MYO18B: variants seen among roughly 807,000 people sequenced by gnomAD.
MYO18B encodes the protein unconventional myosin-XVIIIb.
MYO18B carries 204 observed loss-of-function variants against 273.0 expected under a neutral mutation model. The observed-to-expected ratio is 0.75, with a 90% confidence interval of 0.67 to 0.84. MYO18B has a LOEUF of 0.84. Among genes scored for constraint, MYO18B ranks in the 40% least tolerant of loss-of-function variants. The pLI is 0.00. For synonymous variants in MYO18B, 1,330 were observed against 1,305.7 expected, an observed-to-expected ratio of 1.02 and a Z score of -0.40; for missense variants, 3,212 against 3,287.6, an observed-to-expected ratio of 0.98 and a Z score of 0.56.
chr22:25,990,937 C>T (rs915715404), intron 39 of MYO18B, among the ~76,000 whole-genome samples: 2 of 152,078 alleles, frequency 1.3e-5, no homozygotes, highest in South Asian at 2.1e-4. Context: ...AGAAAAATCC[C>T]ATCTATAACC....
intron 11 of MYO18B, among the ~76,000 whole-genome samples, chr22:25,785,814 C>G (rs1484877513): frequency 6.6e-6 from 1 of 152,154 alleles, no homozygotes; most frequent in Non-Finnish European, 1.5e-5. Flanking sequence ...AGGTCTGTCT[C>G]TTCTTCAGTA....
intron 22 of MYO18B, 95 bp downstream of exon 22, chr22:25,868,480 G>C: frequency 9.5e-7 from 1 of 1,050,490 alleles, no homozygotes; most frequent in Non-Finnish European, 1.4e-6. Flanking sequence ...TATTATCTCT[G>C]TACGTCTCCT....
At chr22:25,761,555 G>A (rs977539542) in intron 2 of MYO18B, among the ~76,000 whole-genome samples, 1 of 152,140 alleles carries the variant, frequency 6.6e-6, no homozygotes, top group African/African-American at 2.4e-5. Flanking sequence ...CTGCCTTCGG[G>A]CACCATAGAG....
In MYO18B at chr22:25,844,780, C is replaced by T. The variant is rs559201591; in HGVS notation, c.3368+886C>T. On this transcript the variant is annotated intron_variant, in intron 18 of 43. Transcript: ENST00000335473. The stretch of plus-strand genomic sequence containing the variant: ...AGTGGGGCTCGTGAACATCCAGCTC[C>T]TGGAGAGAGATTCAGGCCAGGGCTG... Among the ~76,000 whole-genome samples the T allele has an allele frequency of 2.0e-5, 3 of 152,300 alleles. No individual in the cohort carries two copies. The South Asian group carries it at 6.2e-4, about 32-fold the overall frequency.
chr22:25,748,252 C>T (rs2085839959), intron 1 of MYO18B, among the ~76,000 whole-genome samples: 1 of 152,136 alleles, frequency 6.6e-6, no homozygotes, highest in Non-Finnish European at 1.5e-5. Flanking sequence ...GGGGAGGTAG[C>T]TCTCTGAGAA....
chr22:25,847,993 A>T (rs572505386), intron 20 of MYO18B, among the ~76,000 whole-genome samples: 3 of 151,784 alleles, frequency 2.0e-5, no homozygotes, highest in African/African-American at 7.3e-5. Flanking sequence ...ATACATGTAC[A>T]GCACGTGCAG....
intron 34 of MYO18B, among the ~76,000 whole-genome samples, chr22:25,942,215 A>ATTT: frequency 6.6e-6 from 1 of 152,206 alleles, no homozygotes; most frequent in Non-Finnish European, 1.5e-5. Context: ...CAAGCTCTGA[A>ATTT]CCACACACAC....
intron 40 of MYO18B, among the ~76,000 whole-genome samples, chr22:25,993,784 C>T (rs1192783210): frequency 6.6e-6 from 1 of 152,090 alleles, no homozygotes; most frequent in Non-Finnish European, 1.5e-5. Flanking sequence ...CTGGTTTAGC[C>T]AGAAGGAAGA....
chr22:25,992,908 ATTTC>A (rs1601779805), intron 40 of MYO18B, among the ~76,000 whole-genome samples: 1 of 152,180 alleles, frequency 6.6e-6, no homozygotes, highest in East Asian at 1.9e-4. Flanking sequence ...TCTACTGCCT[ATTTC>A]TTAGGGCTGT....
chr22:26,009,491 T>TA (rs1176473211), intron 42 of MYO18B, among the ~76,000 whole-genome samples: 1 of 152,180 alleles, frequency 6.6e-6, no homozygotes. Context: ...GTGTTGTTAA[T>TA]AGGTACCATC....
At chr22:25,823,469 C>G in intron 12 of MYO18B, 36 bp from the exon 13 acceptor site, 1 of 1,603,224 alleles carries the variant, frequency 6.2e-7, no homozygotes, top group East Asian at 2.2e-5. Flanking sequence ...ATGCCCAAGG[C>G]CTCACTGCCA....
At chr22:25,918,547 T>C (rs1021708331) in intron 33 of MYO18B, among the ~76,000 whole-genome samples, 1 of 152,202 alleles carries the variant, frequency 6.6e-6, no homozygotes, top group African/African-American at 2.4e-5. Flanking sequence ...CAATTTGTTA[T>C]AAATGGGAGG....
chr22:25,861,874 T>C (rs1348989418), intron 21 of MYO18B, among the ~76,000 whole-genome samples: 1 of 152,154 alleles, frequency 6.6e-6, no homozygotes, highest in Non-Finnish European at 1.5e-5. Flanking sequence ...GAACCTTTGC[T>C]CCAATATAGC....
chr22:25,891,800 G>A (rs1016553099), intron 27 of MYO18B, among the ~76,000 whole-genome samples: 1 of 152,158 alleles, frequency 6.6e-6, no homozygotes, highest in Non-Finnish European at 1.5e-5. Flanking sequence ...GCTGAAGTGG[G>A]AGGAGTGCTT....
chr22:25,748,563 G>A (rs1409448024), intron 1 of MYO18B, among the ~76,000 whole-genome samples: 1 of 152,164 alleles, frequency 6.6e-6, no homozygotes, highest in Non-Finnish European at 1.5e-5. Flanking sequence ...GGGTCTCTGG[G>A]GTTTCTCCAT....
rs1247429784 is a variant in MYO18B at position 25,952,355 on chromosome 22, C to T, written c.5902C>T (p.Gln1968Ter). The T allele has an allele frequency of 4.3e-6, 7 of 1,612,532 alleles. No homozygotes were observed. Among genetic ancestry groups the T allele is most frequent in the Non-Finnish European group, 5.1e-6 (6 of 1,179,374 alleles). The change falls in exon 38 of 44, where the codon CAG becomes TAG. Residue 1968 changes from glutamine (Q) to a stop codon, truncating the protein, a stop_gained. Coordinates refer to ENST00000335473, the MANE Select transcript of MYO18B (RefSeq NM_032608.7). LOFTEE classifies it high-confidence loss of function. ...STVDRAIVSR[Q>*]EAVICDLENK... Reference sequence around the variant, plus strand: ...CGTGGATCGAGCCATCGTCAGCAGGCAGGAGGCGGTCATCTGTGACCTAGA... The same window carrying T: ...CGTGGATCGAGCCATCGTCAGCAGGTAGGAGGCGGTCATCTGTGACCTAGA...
chr22:25,823,823 C>T (rs896692746), intron 13 of MYO18B, 145 bp downstream of exon 13: 38 of 853,242 alleles, frequency 4.5e-5, no homozygotes, highest in South Asian at 1.1e-4. Context: ...GGGAAGCCAT[C>T]GTGGGTGGAA....
chr22:26,034,718 T>G (rs1936745834), downstream of MYO18B, among the ~76,000 whole-genome samples: 2 of 152,330 alleles, frequency 1.3e-5, 1 homozygote, highest in Middle Eastern at 6.8e-3. Flanking sequence ...CTGAGGCCAT[T>G]TTTAACAGGG....
chr22:25,924,456 C>T (rs1471080417), intron 34 of MYO18B, among the ~76,000 whole-genome samples: 1 of 152,194 alleles, frequency 6.6e-6, no homozygotes, highest in East Asian at 1.9e-4. Flanking sequence ...ATAGAATTTA[C>T]ATCTGATGGA....
Sources: allele counts gnomAD v4.1 joint callset (sites outside exome capture counted in the v4.1 genomes callset), GRCh38; gene constraint gnomAD v4.1.1; transcripts MANE v1.5; gene names NCBI Gene and HGNC (gene_info 2026-07-23, HGNC 2026-07-21).